The following TACC2 variants were observed in gnomAD, a reference collection of about 807,000 sequenced individuals.
The protein encoded by TACC2 is transforming acidic coiled-coil containing protein 2, also known as transforming acidic coiled-coil-containing protein 2.
In TACC2, 137 loss-of-function variants were observed where a neutral mutation model predicts 227.3. That is an observed-to-expected ratio of 0.60 (90% CI 0.52 to 0.69). The LOEUF (loss-of-function observed/expected upper bound fraction) is 0.69, where lower values mean the gene tolerates loss of function less well. Ranked by LOEUF, TACC2 falls within the 30% of genes least tolerant of loss-of-function variation. The pLI, the probability that TACC2 is intolerant of heterozygous loss-of-function variation, is 0.00. For synonymous variants in TACC2, 1,523 were observed against 1,487.5 expected, an observed-to-expected ratio of 1.02 and a Z score of -0.55; for missense variants, 3,470 against 3,694.4, an observed-to-expected ratio of 0.94 and a Z score of 1.57.
chr10:122,139,783 G>T (rs1409556084), intron 6 of TACC2, among the ~76,000 whole-genome samples: 1 of 152,204 alleles, frequency 6.6e-6, no homozygotes, highest in Non-Finnish European at 1.5e-5. Context: ...TGTGAAATGG[G>T]AGATAAGATG....
chr10:121,990,359 C>T (rs1240668841), intron 1 of TACC2, among the ~76,000 whole-genome samples: 1 of 151,904 alleles, frequency 6.6e-6, no homozygotes, highest in Non-Finnish European at 1.5e-5. Context: ...CTCAAGTGAT[C>T]CTCCTGCCTC....
chr10:122,037,727 T>C (rs946659801), intron 2 of TACC2, among the ~76,000 whole-genome samples: 2 of 152,178 alleles, frequency 1.3e-5, no homozygotes, highest in African/African-American at 2.4e-5. Flanking sequence ...GCTCAGGGTA[T>C]TGGGTTATTC....
chr10:121,998,560 G>GT (rs1406106686), intron 1 of TACC2, among the ~76,000 whole-genome samples: 2 of 152,122 alleles, frequency 1.3e-5, no homozygotes, highest in African/African-American at 4.8e-5. Flanking sequence ...CCAACGTTTC[G>GT]TAAGTGTTAT....
intron 3 of TACC2, among the ~76,000 whole-genome samples, chr10:122,065,819 G>T (rs2077313101): frequency 6.6e-6 from 1 of 152,066 alleles, no homozygotes; most frequent in Non-Finnish European, 1.5e-5. Context: ...AATTTTTAAT[G>T]TTTATTTTAG....
chr10:122,015,595 TA>T (rs752766976), intron 1 of TACC2, among the ~76,000 whole-genome samples: 23 of 152,142 alleles, frequency 1.5e-4, no homozygotes, highest in Non-Finnish European at 2.8e-4. Flanking sequence ...TTCATGCCTG[TA>T]ATCCTAGCAC....
At position 122,085,793 on chromosome 10, in the gene TACC2, A is replaced by C. The variant is rs937118499; in HGVS notation, c.3293A>C (p.Gln1098Pro). 1.9e-6 allele frequency: 3 copies of C among 1,613,602 alleles called. No individual in the cohort carries two copies. Among genetic ancestry groups the C allele is most frequent in the Non-Finnish European group, 2.5e-6 (3 of 1,179,750 alleles). ...GRQQPVPAPQ[Q>P]KMECWATSDA... is the part of the protein sequence containing the mutation. ...CAGCAACCAGTGCCGGCCCCGCAGC[A>C]GAAAATGGAGTGCTGGGCCACTTCG... The change falls in exon 4 of 23, where the codon CAG (glutamine) becomes CCG (proline). Residue 1098 changes from glutamine to proline, a missense_variant. Around this residue, in one of 10 missense-constraint regions of TACC2, gnomAD observed 1,924 missense variants for 1,978.3 expected, o/e 0.97. Transcript: ENST00000369005.
intron 2 of TACC2, among the ~76,000 whole-genome samples, chr10:122,045,347 G>C (rs2074849637): frequency 2.0e-5 from 3 of 152,322 alleles, no homozygotes; most frequent in African/African-American, 7.2e-5. Flanking sequence ...GCAGCGTAAG[G>C]CAGGGACAAG....
chr10:122,006,139 T>G (rs1955094665), intron 1 of TACC2, among the ~76,000 whole-genome samples: 1 of 152,102 alleles, frequency 6.6e-6, no homozygotes, highest in Non-Finnish European at 1.5e-5. Context: ...TCTTGCTTTG[T>G]TTATTGATTT....
intron 7 of TACC2, among the ~76,000 whole-genome samples, chr10:122,154,886 C>T (rs1406065089): frequency 6.6e-6 from 1 of 152,204 alleles, no homozygotes; most frequent in Non-Finnish European, 1.5e-5. Flanking sequence ...ATTTCTGGCC[C>T]GGCTTTCTGG....
chr10:122,031,614 A>G (rs1028401565), intron 2 of TACC2, among the ~76,000 whole-genome samples: 5 of 151,770 alleles, frequency 3.3e-5, no homozygotes, highest in Non-Finnish European at 1.5e-5. Context: ...CGTGTTAGCC[A>G]GGTTGGTCTC....
At chr10:122,182,019 T>C (rs374413878) in intron 7 of TACC2, among the ~76,000 whole-genome samples, 71 of 152,348 alleles carry the variant, frequency 4.7e-4, no homozygotes, top group African/African-American at 1.5e-3. Flanking sequence ...TTTTCAGGCT[T>C]TCTACTAAGC....
chr10:122,204,590 C>T (rs551419207), intron 8 of TACC2, among the ~76,000 whole-genome samples: 1 of 152,330 alleles, frequency 6.6e-6, no homozygotes, highest in South Asian at 2.1e-4. Flanking sequence ...CATCTCAGCA[C>T]TTTGGGAGGC....
chr10:122,114,355 T>C (rs934943353), intron 5 of TACC2, among the ~76,000 whole-genome samples: 1 of 152,236 alleles, frequency 6.6e-6, no homozygotes, highest in African/African-American at 2.4e-5. Context: ...CAGTGTTTGG[T>C]CTGTGAGATG....
In TACC2 at chr10:122,086,544, A is replaced by G. The variant is rs1385667245; in HGVS notation, c.4044A>G (p.Ala1348=). The change falls in exon 4 of 23, where the codon GCA becomes GCG. Residue 1348 remains alanine (A), a synonymous_variant. Transcript: ENST00000369005. ...GKQATGEEKA[A]TAPGAGAKAS... is the part of the protein sequence containing the mutation. ...AGGCAACAGGGGAAGAGAAAGCAGC[A>G]ACAGCTCCAGGTGCAGGTGCCAAGG... 1 of 1,608,472 alleles carries G rather than the reference A, an allele frequency of 6.2e-7. No individual in the cohort carries two copies. The highest frequency in any genetic ancestry group is 1.7e-5 in the Admixed American group (1 of 59,664).
intron 1 of TACC2, among the ~76,000 whole-genome samples, chr10:121,989,926 G>A (rs1952960888): frequency 6.6e-6 from 1 of 151,722 alleles, no homozygotes; most frequent in South Asian, 2.1e-4. Context: ...TGCAGCATGG[G>A]AAATATTTTT....
At position 122,083,310 on chromosome 10, in the gene TACC2, C is replaced by G. The variant is rs11816938; in HGVS notation, c.810C>G (p.Pro270=). The G allele has an allele frequency of 0.051, 82,126 of 1,613,890 alleles. 2,879 individuals are homozygous for G. The highest frequency in any genetic ancestry group is 0.15 in the Admixed American group (9,044 of 60,004). ...TESSAVLEKS[P]LKPMAPIPQD... The stretch of plus-strand genomic sequence containing the variant: ...GCTCAGCGGTCTTGGAGAAGTCCCC[C>G]CTAAAACCCATGGCCCCGATCCCAC... Residue 270 remains proline (P), a synonymous_variant, in exon 4 of 23, where the codon CCC becomes CCG. Coordinates refer to ENST00000369005, the MANE Select transcript of TACC2 (RefSeq NM_206862.4).
intron 7 of TACC2, among the ~76,000 whole-genome samples, chr10:122,171,394 G>C (rs1306624903): frequency 1.3e-5 from 2 of 152,240 alleles, no homozygotes; most frequent in Non-Finnish European, 2.9e-5. Context: ...GTTTCCCGGA[G>C]CCCTACTGAC....
At chr10:122,214,685 A>G (rs879257255) in intron 9 of TACC2, among the ~76,000 whole-genome samples, 1 of 152,118 alleles carries the variant, frequency 6.6e-6, no homozygotes, top group Non-Finnish European at 1.5e-5. Context: ...ACCCTTCAGG[A>G]GTCTGATTTG....
intron 1 of TACC2, among the ~76,000 whole-genome samples, chr10:122,015,775 C>A (rs12254033): frequency 0.17 from 22,123 of 126,844 alleles, 1,964 homozygotes; most frequent in Admixed American, 0.27. Context: ...TCACTTGAAC[C>A]CGGGAGGGGG....
Sources: gnomAD v4.1 joint callset for allele counts (sites outside exome capture counted in the v4.1 genomes callset) on GRCh38, gnomAD v4.1.1 for gene constraint, gnomAD v4.1.1 regional missense constraint, MANE v1.5 for transcripts, NCBI Gene and HGNC (gene_info 2026-07-23, HGNC 2026-07-21) for gene names.